GUCY2F: variants seen among roughly 807,000 people sequenced by gnomAD.
GUCY2F encodes the protein retinal guanylyl cyclase 2.
In GUCY2F, 61 loss-of-function variants were observed where a neutral mutation model predicts 73.1. That is an observed-to-expected ratio of 0.83 (90% CI 0.68 to 1.03). GUCY2F has a LOEUF of 1.03. Among genes scored for constraint, GUCY2F ranks in the 50% least tolerant of loss-of-function variants. GUCY2F has a pLI of 0.00. For synonymous variants in GUCY2F, 331 were observed against 307.8 expected, an observed-to-expected ratio of 1.08 and a Z score of -0.79; for missense variants, 912 against 854.3, an observed-to-expected ratio of 1.07 and a Z score of -0.84.
chrX:109,475,066 G>A, intron 2 of GUCY2F, 141 bp downstream of exon 2: 1 of 556,617 alleles, frequency 1.8e-6, no homozygotes, highest in Non-Finnish European at 2.9e-6. Context: ...CTTGGGACCT[G>A]TGTGTGAGTG....
chrX:109,429,990 C>A (rs1235340344), intron 8 of GUCY2F, among the ~76,000 whole-genome samples: 1 of 112,397 alleles, frequency 8.9e-6, no homozygotes, highest in Non-Finnish European at 1.9e-5. Flanking sequence ...CTCTTAAAAT[C>A]CTCATCCAAC....
At chrX:109,449,287 T>C (rs767522229) in intron 5 of GUCY2F, among the ~76,000 whole-genome samples, 5 of 112,429 alleles carry the variant, frequency 4.4e-5, no homozygotes, top group Non-Finnish European at 7.5e-5. Context: ...AAACAAACAA[T>C]TAACGTGTTT....
At chrX:109,419,349 G>A (rs1467206707) in intron 8 of GUCY2F, among the ~76,000 whole-genome samples, 1 of 110,452 alleles carries the variant, frequency 9.1e-6, no homozygotes, top group Non-Finnish European at 1.9e-5. Flanking sequence ...ATAATATATC[G>A]TGACCAAGTG....
chrX:109,388,678 A>T lies in GUCY2F; in HGVS notation c.2782-15T>A. On this transcript the variant is annotated splice_polypyrimidine_tract_variant and intron_variant, in intron 14 of 19. Coordinates refer to ENST00000218006, the MANE Select transcript of GUCY2F (RefSeq NM_001522.3). ...ATGGTCTCTACCTGGGAATTAGGAAAAATAGAATTAGCAAACAACTTATTT... is the reference window on the plus strand; with the variant it reads ...ATGGTCTCTACCTGGGAATTAGGAATAATAGAATTAGCAAACAACTTATTT... 5 of 1,126,825 alleles carry T rather than the reference A, an allele frequency of 4.4e-6. No homozygotes were observed. Among genetic ancestry groups the T allele is most frequent in the Non-Finnish European group, 6.1e-6 (5 of 820,310 alleles). 92.9% of individuals were successfully genotyped at this position (1,126,825 alleles called of 1,213,427 possible).
chrX:109,411,331 C>A (rs1931105953), intron 8 of GUCY2F, among the ~76,000 whole-genome samples: 1 of 109,812 alleles, frequency 9.1e-6, no homozygotes. Context: ...TAGGTCCCAC[C>A]CACAGGCCTC....
chrX:109,435,801 C>G (rs1323009674), intron 7 of GUCY2F, among the ~76,000 whole-genome samples: 1 of 111,555 alleles, frequency 9.0e-6, no homozygotes, highest in Non-Finnish European at 1.9e-5. Flanking sequence ...AGATACGTCC[C>G]ATCAATACCT....
At chrX:109,455,247 TG>T (rs1932234523) in intron 3 of GUCY2F, among the ~76,000 whole-genome samples, 1 of 112,197 alleles carries the variant, frequency 8.9e-6, no homozygotes, top group Non-Finnish European at 1.9e-5. Context: ...GTATAGAAGA[TG>T]ATACCCTGTC....
chrX:109,417,117 T>C (rs1159043648), intron 8 of GUCY2F, among the ~76,000 whole-genome samples: 1 of 110,848 alleles, frequency 9.0e-6, no homozygotes, highest in Non-Finnish European at 1.9e-5. Context: ...AAGGGGAGGA[T>C]CTTCAGGTTG....
At chrX:109,476,536 C>T (rs920270057) in intron 1 of GUCY2F, among the ~76,000 whole-genome samples, 1 of 111,054 alleles carries the variant, frequency 9.0e-6, no homozygotes, top group Non-Finnish European at 1.9e-5. Flanking sequence ...GTAGCCCAAA[C>T]AGAGAGACAG....
intron 9 of GUCY2F, among the ~76,000 whole-genome samples, chrX:109,405,954 C>T (rs1930963280): frequency 9.0e-6 from 1 of 111,517 alleles, no homozygotes; most frequent in Non-Finnish European, 1.9e-5. Flanking sequence ...TAAAAGGAGG[C>T]TAATCACACC....
intron 3 of GUCY2F, among the ~76,000 whole-genome samples, chrX:109,459,538 G>A (rs966643827): frequency 2.7e-5 from 3 of 111,533 alleles, no homozygotes; most frequent in Non-Finnish European, 3.8e-5. Context: ...GGCACTAGAC[G>A]AAAAGGAAGT....
In GUCY2F at chrX:109,430,349, G is replaced by A. The variant is rs779445421; in HGVS notation, c.1749C>T (p.Asp583=). 39 of 1,148,762 alleles carry A rather than the reference G, an allele frequency of 3.4e-5. No individual in the cohort carries two copies. In the South Asian group the frequency reaches 6.7e-4, roughly 20 times the overall value. 94.7% of individuals were successfully genotyped at this position (1,148,762 alleles called of 1,213,427 possible). The part of the protein sequence containing the change: ...LKKFSLGDFG[D]LKSIKSRASD... The stretch of plus-strand genomic sequence containing the variant: ...TTGCTCTTGATTTGATGGACTTAAG[G>A]TCTCCAAAATCTCCAAGGGAGAACT... Residue 583 remains aspartate, a synonymous_variant, in exon 8 of 20, where the codon GAC becomes GAT. Transcript: ENST00000218006.
chrX:109,395,128 T>G (rs1159141653), intron 12 of GUCY2F, among the ~76,000 whole-genome samples: 2 of 111,986 alleles, frequency 1.8e-5, no homozygotes, highest in African/African-American at 6.5e-5. Flanking sequence ...AGAAGAACAC[T>G]AGAACCAATC....
chrX:109,414,386 C>T (rs953375245), intron 8 of GUCY2F, among the ~76,000 whole-genome samples: 3 of 111,606 alleles, frequency 2.7e-5, no homozygotes, highest in African/African-American at 9.8e-5. Context: ...CTCCTATCCC[C>T]GTATCAACCT....
intron 7 of GUCY2F, among the ~76,000 whole-genome samples, chrX:109,436,867 A>C (rs1324304698): frequency 1.8e-5 from 2 of 109,141 alleles, no homozygotes; most frequent in Non-Finnish European, 3.8e-5. Flanking sequence ...GCACACCAGC[A>C]TGGCACATGT....
At chrX:109,447,261 C>A (rs925869598) in intron 6 of GUCY2F, among the ~76,000 whole-genome samples, 9 of 111,152 alleles carry the variant, frequency 8.1e-5, no homozygotes, top group African/African-American at 2.6e-4. Context: ...TTGACCCAGC[C>A]ATCCCATTAC....
chrX:109,418,419 G>T (rs950225756), intron 8 of GUCY2F, among the ~76,000 whole-genome samples: 1 of 111,695 alleles, frequency 9.0e-6, no homozygotes, highest in Non-Finnish European at 1.9e-5. Flanking sequence ...TATGGCCAAA[G>T]TTTTTGATAA....
At chrX:109,413,231 C>G (rs902554835) in intron 8 of GUCY2F, among the ~76,000 whole-genome samples, 3 of 111,856 alleles carry the variant, frequency 2.7e-5, no homozygotes, top group Non-Finnish European at 5.6e-5. Context: ...AGATTCTGGA[C>G]AACCCCAGGA....
At chrX:109,390,920 C>G (rs1051392324) in intron 14 of GUCY2F, among the ~76,000 whole-genome samples, 1 of 112,340 alleles carries the variant, frequency 8.9e-6, no homozygotes, top group Non-Finnish European at 1.9e-5. Flanking sequence ...CTGAAAAGGC[C>G]CTGTCTAATC....
Sources: gnomAD v4.1 joint callset for allele counts (sites outside exome capture counted in the v4.1 genomes callset) on GRCh38, gnomAD v4.1.1 for gene constraint, MANE v1.5 for transcripts, NCBI Gene and HGNC (gene_info 2026-07-23, HGNC 2026-07-21) for gene names.